Variants in BAZ2B observed in about 807,000 individuals in gnomAD.
BAZ2B encodes bromodomain adjacent to zinc finger domain protein 2B.
BAZ2B carries 91 observed loss-of-function variants against 246.0 expected under a neutral mutation model. The observed-to-expected ratio is 0.37, with a 90% confidence interval of 0.31 to 0.44. BAZ2B has a LOEUF of 0.44. Among genes scored for constraint, BAZ2B ranks in the 20% least tolerant of loss-of-function variants. BAZ2B has a pLI of 1.00. For synonymous variants in BAZ2B, 855 were observed against 860.0 expected (o/e 0.99, Z 0.10); for missense variants, 2,332 against 2,533.7 (o/e 0.92, Z 1.71).
intron 3 of BAZ2B, among the ~76,000 whole-genome samples, chr2:159,470,553 T>C (rs528187842): frequency 2.0e-5 from 3 of 152,328 alleles, no homozygotes; most frequent in Admixed American, 6.5e-5. Flanking sequence ...AGGGCAAGCA[T>C]AGAAGTGGAG....
intron 13 of BAZ2B, among the ~76,000 whole-genome samples, chr2:159,417,980 T>G (rs1182296403): frequency 6.6e-6 from 1 of 152,184 alleles, no homozygotes; most frequent in Non-Finnish European, 1.5e-5. Context: ...AATAGTACAT[T>G]AGTCTTTTGG....
intron 13 of BAZ2B, among the ~76,000 whole-genome samples, chr2:159,415,704 C>G (rs1483712523): frequency 6.6e-6 from 1 of 152,116 alleles, no homozygotes; most frequent in African/African-American, 2.4e-5. Flanking sequence ...CTAGAAGAAA[C>G]TGTGCAACCA....
the BAZ2B span, chr2:159,690,413 A>T: frequency 6.1e-6 from 1 of 165,222 alleles, no homozygotes; most frequent in Non-Finnish European, 1.3e-5. Flanking sequence ...TAGCTTTTAC[A>T]TACTTCTGGT....
At chr2:159,496,682 C>G (rs2151069864) in intron 2 of BAZ2B, among the ~76,000 whole-genome samples, 1 of 146,420 alleles carries the variant, frequency 6.8e-6, no homozygotes, top group East Asian at 2.1e-4. Context: ...CTCAGGAAGG[C>G]TGAGGCAGGA....
intron 3 of BAZ2B, chr2:159,462,875 A>G: frequency 6.2e-7 from 1 of 1,604,742 alleles, no homozygotes; most frequent in Non-Finnish European, 8.5e-7. Context: ...AGGCTCTTAA[A>G]GCACTGTCAC....
At chr2:159,532,303 TC>T (rs1360901421) in intron 2 of BAZ2B, among the ~76,000 whole-genome samples, 2 of 152,170 alleles carry the variant, frequency 1.3e-5, no homozygotes, top group Non-Finnish European at 2.9e-5. Flanking sequence ...AAACACTTCT[TC>T]CATCCTTTTA....
At chr2:159,570,864 G>GT (rs903763228) in intron 1 of BAZ2B, among the ~76,000 whole-genome samples, 1 of 151,518 alleles carries the variant, frequency 6.6e-6, no homozygotes, top group Admixed American at 6.6e-5. Flanking sequence ...TTCTTTTTTT[G>GT]TTTTTTTGAG....
chr2:159,644,485 C>T, the BAZ2B span, among the ~76,000 whole-genome samples: 2 of 152,206 alleles, frequency 1.3e-5, no homozygotes, highest in African/African-American at 4.8e-5. Context: ...CTGAAACCAA[C>T]TAAGAAGCTG....
intron 2 of BAZ2B, among the ~76,000 whole-genome samples, chr2:159,508,688 A>G (rs2082593139): frequency 6.6e-6 from 1 of 152,180 alleles, no homozygotes; most frequent in Non-Finnish European, 1.5e-5. Flanking sequence ...TATGCATTAC[A>G]TACTCTCATG....
chr2:159,553,804 C>G (rs2088692363), intron 2 of BAZ2B, among the ~76,000 whole-genome samples: 1 of 152,128 alleles, frequency 6.6e-6, no homozygotes, highest in Admixed American at 6.5e-5. Context: ...ATCTCCCTCT[C>G]TAACCATAAC....
At chr2:159,529,205 C>A (rs1354238196) in intron 2 of BAZ2B, among the ~76,000 whole-genome samples, 2 of 152,008 alleles carry the variant, frequency 1.3e-5, no homozygotes, top group East Asian at 3.9e-4. Flanking sequence ...GACCATGGAA[C>A]CTTTTTTCAT....
intron 2 of BAZ2B, among the ~76,000 whole-genome samples, chr2:159,506,276 C>T (rs2082318447): frequency 6.6e-6 from 1 of 152,088 alleles, no homozygotes; most frequent in African/African-American, 2.4e-5. Flanking sequence ...GGCTCTACCT[C>T]ACCTATATCC....
the BAZ2B span, among the ~76,000 whole-genome samples, chr2:159,671,570 AAAT>A: frequency 2.0e-5 from 3 of 152,172 alleles, no homozygotes; most frequent in African/African-American, 7.2e-5. Context: ...ATTAGACAAA[AAAT>A]AATAATTGCC....
At chr2:159,322,332 A>G (rs174225) in intron 36 of BAZ2B, among the ~76,000 whole-genome samples, 89,133 of 152,020 alleles carry the variant, frequency 0.59, 27,461 homozygotes, top group East Asian at 0.95. Context: ...TTAAGTCACA[A>G]CACTGTATTA....
chr2:159,671,685 T>C, the BAZ2B span, among the ~76,000 whole-genome samples: 1 of 152,194 alleles, frequency 6.6e-6, no homozygotes, highest in Non-Finnish European at 1.5e-5. Context: ...AAATAGTTTA[T>C]GTATTCTTAG....
intron 27 of BAZ2B, among the ~76,000 whole-genome samples, chr2:159,362,829 G>A (rs1158017446): frequency 6.6e-6 from 1 of 152,174 alleles, no homozygotes; most frequent in African/African-American, 2.4e-5. Flanking sequence ...ATTTTCAGGA[G>A]TACAAATTGG....
intron 33 of BAZ2B, among the ~76,000 whole-genome samples, chr2:159,333,748 G>A (rs2065160684): frequency 6.6e-6 from 1 of 151,914 alleles, no homozygotes; most frequent in Non-Finnish European, 1.5e-5. Context: ...TCTTAGTCTG[G>A]GAAAGTCTAA....
intron 2 of BAZ2B, among the ~76,000 whole-genome samples, chr2:159,498,583 C>A (rs1281377039): frequency 6.6e-6 from 1 of 152,112 alleles, no homozygotes; most frequent in African/African-American, 2.4e-5. Context: ...TTATAACCTT[C>A]ATTATACACA....
intron 20 of BAZ2B, 91 bp from the exon 21 acceptor site, chr2:159,389,576 G>T: frequency 8.6e-7 from 1 of 1,167,714 alleles, no homozygotes; most frequent in Non-Finnish European, 1.1e-6. Context: ...GAATTATTTT[G>T]CTTTTCATTA....
Sources: allele counts gnomAD v4.1 joint callset (sites outside exome capture counted in the v4.1 genomes callset), GRCh38; gene constraint gnomAD v4.1.1; transcripts MANE v1.5; gene names NCBI Gene and HGNC (gene_info 2026-07-23, HGNC 2026-07-21).